Variants in UHMK1 observed in about 807,000 individuals in gnomAD.
UHMK1 encodes U2AF homology motif kinase 1.
UHMK1 carries 18 observed loss-of-function variants against 44.0 expected under a neutral mutation model. The observed-to-expected ratio is 0.41, with a 90% CI of 0.28 to 0.61. The LOEUF is 0.61. UHMK1 is among the 20% of genes least tolerant of loss of function. The probability of loss-of-function intolerance (pLI) is 0.31; values close to 1 mark genes in which losing one functional copy is unlikely to be tolerated. For missense variants in UHMK1, 463 were observed against 522.5 expected (o/e 0.89, Z 1.11); for synonymous variants, 231 against 198.5 (o/e 1.16, Z -1.38).
chr1:162,520,398 T>C (rs1008982032), intron 7 of UHMK1, among the ~76,000 whole-genome samples: 2 of 152,242 alleles, frequency 1.3e-5, no homozygotes, highest in Non-Finnish European at 2.9e-5. Context: ...CTGATATTTA[T>C]TGAGCATTTA....
In UHMK1 at chr1:162,500,118, G is replaced by A. The variant is rs578094120; in HGVS notation, c.432G>A (p.Glu144=). ...AGCATTGTGCCCGAGATGTTTTGGA[G>A]GCCCTTGCTTTTCTTCATCATGAGG... ...MIQHCARDVL[E]ALAFLHHEGY... The change falls in exon 2 of 8, where the codon GAG becomes GAA. Residue 144 remains glutamate, a synonymous_variant. Transcript: ENST00000489294. The A allele has an allele frequency of 3.1e-6, 5 of 1,614,116 alleles. No individual in the cohort carries two copies. In the South Asian group the frequency reaches 5.5e-5, roughly 18 times the overall value.
chr1:162,504,571 G>T (rs1431046270), intron 4 of UHMK1, among the ~76,000 whole-genome samples: 1 of 152,100 alleles, frequency 6.6e-6, no homozygotes, highest in African/African-American at 2.4e-5. Context: ...ACATAGAAAA[G>T]ATACAGTAAA....
rs987588438 is a variant in UHMK1 at position 162,526,544 on chromosome 1, G to A, written c.*3994G>A. ...CTGGAAAATATTAAAACTCATTTGGGTGAAAGCTTCCCAGATGATGATAAT... is the reference window on the plus strand; with the variant it reads ...CTGGAAAATATTAAAACTCATTTGGATGAAAGCTTCCCAGATGATGATAAT... On this transcript the variant is annotated 3_prime_UTR_variant, in exon 8 of 8. Coordinates refer to ENST00000489294, the MANE Select transcript of UHMK1 (RefSeq NM_175866.5). The A allele has an allele frequency of 1.3e-5, 2 of 152,024 alleles. No homozygotes were observed. Among genetic ancestry groups the A allele is most frequent in the African/African-American group, 2.4e-5 (1 of 41,400 alleles). 9.4% of individuals were successfully genotyped at this position (152,024 alleles called of 1,614,324 possible). A position where few individuals can be genotyped will look rare whatever the true frequency, so the allele number is the denominator to read the frequency against.
rs748460382 is a variant in UHMK1 at position 162,527,918 on chromosome 1, G to A, written c.*5368G>A. 1 of 151,670 alleles carries A rather than the reference G, an allele frequency of 6.6e-6. No individual in the cohort carries two copies. The allele number at this position is 151,670 out of a possible 1,614,324, so 9.4% of individuals were successfully genotyped here. A position where few individuals can be genotyped will look rare whatever the true frequency, so the allele number is the denominator to read the frequency against. On this transcript the variant is annotated 3_prime_UTR_variant, in exon 8 of 8. Transcript: ENST00000489294. ...GTCACATTCTGGGGGAAAAAAACTG[G>A]AATTGTTTGTATTTTGTTTTTTTGG...
intron 4 of UHMK1, 32 bp from the exon 5 acceptor site, chr1:162,512,468 G>A (rs1397279621): frequency 6.4e-7 from 1 of 1,568,790 alleles, no homozygotes; most frequent in Non-Finnish European, 8.6e-7. Context: ...AGATTCAGCA[G>A]AAATGATAAG....
chr1:162,500,951 A>G lies in UHMK1; in HGVS notation c.600A>G (p.Pro200=), dbSNP rs1651244874. Reference sequence around the variant, plus strand: ...TTCAGACAGACGGGTATCGGGCTCCAGAAGCAGAATTGCAAAATTGCTTGG... The same window carrying G: ...TTCAGACAGACGGGTATCGGGCTCCGGAAGCAGAATTGCAAAATTGCTTGG... ...KYIQTDGYRA[P]EAELQNCLAQ... The change falls in exon 3 of 8, where the codon CCA becomes CCG. Residue 200 remains proline (P), a synonymous_variant. Coordinates refer to ENST00000489294, the MANE Select transcript of UHMK1 (RefSeq NM_175866.5). 1 of 1,614,140 alleles carries G rather than the reference A, an allele frequency of 6.2e-7. No homozygotes were observed. The highest frequency in any genetic ancestry group is 1.3e-5 in the African/African-American group (1 of 75,050).
At chr1:162,518,543 G>A (rs967972898) in intron 7 of UHMK1, among the ~76,000 whole-genome samples, 1 of 151,896 alleles carries the variant, frequency 6.6e-6, no homozygotes, top group Non-Finnish European at 1.5e-5. Flanking sequence ...TTAGCCAGGC[G>A]TGGTGGCACA....
chr1:162,503,527 C>G (rs2101671440), intron 3 of UHMK1, among the ~76,000 whole-genome samples: 1 of 149,944 alleles, frequency 6.7e-6, no homozygotes, highest in East Asian at 2.0e-4. Flanking sequence ...AGGAGGATCA[C>G]TTAAACCTGG....
At chr1:162,505,914 A>C (rs1651452169) in intron 4 of UHMK1, among the ~76,000 whole-genome samples, 1 of 152,204 alleles carries the variant, frequency 6.6e-6, no homozygotes, top group Non-Finnish European at 1.5e-5. Flanking sequence ...CCTACCATTT[A>C]CCCAGTTTCC....
In UHMK1 at chr1:162,507,679, C is replaced by T. The variant is rs60060606; in HGVS notation, c.848+3831C>T. The stretch of plus-strand genomic sequence containing the variant: ...TCGGCTCACTGCAAGCTCCGCCTCC[C>T]GGGTTCACGCCATTCTCCTACCTCA... On this transcript the variant is annotated intron_variant, in intron 4 of 7. Transcript: ENST00000489294. Among the ~76,000 whole-genome samples the T allele has an allele frequency of 1.2e-4, 18 of 151,324 alleles. No homozygotes were observed. In the East Asian group the frequency reaches 2.9e-3, roughly 25 times the overall value.
chr1:162,505,457 A>G lies in UHMK1; in HGVS notation c.848+1609A>G, dbSNP rs975803899. Reference sequence around the variant, plus strand: ...AAATACATAAGCCAGTAACACAGCTATGTATTGTCATTATCAAGTACAGTA... The same window carrying G: ...AAATACATAAGCCAGTAACACAGCTGTGTATTGTCATTATCAAGTACAGTA... On this transcript the variant is annotated intron_variant, in intron 4 of 7. Coordinates refer to ENST00000489294, the MANE Select transcript of UHMK1 (RefSeq NM_175866.5). 3.9e-5 allele frequency among the ~76,000 whole-genome samples: 6 copies of G among 152,356 alleles called. No homozygotes were observed. In the East Asian group the frequency reaches 5.8e-4, roughly 15 times the overall value.
chr1:162,498,293 T>C (rs1163048304), intron 1 of UHMK1, 25 bp downstream of exon 1: 1 of 1,562,478 alleles, frequency 6.4e-7, no homozygotes, highest in Non-Finnish European at 8.7e-7. Context: ...CTCCTTTCTC[T>C]TCTTGCCCAG....
intron 3 of UHMK1, among the ~76,000 whole-genome samples, chr1:162,501,442 A>G (rs1386955616): frequency 6.6e-6 from 1 of 152,116 alleles, no homozygotes; most frequent in Non-Finnish European, 1.5e-5. Context: ...TGCTGGGATT[A>G]CAGGCATGAG....
intron 6 of UHMK1, among the ~76,000 whole-genome samples, chr1:162,513,759 T>C (rs1324078645): frequency 1.3e-5 from 2 of 152,206 alleles, no homozygotes; most frequent in Non-Finnish European, 2.9e-5. Context: ...CAGTTAAAGC[T>C]AACGAGGTAG....
At chr1:162,499,572 TTTC>T (rs1380570456) in intron 1 of UHMK1, among the ~76,000 whole-genome samples, 5 of 152,190 alleles carry the variant, frequency 3.3e-5, no homozygotes, top group Admixed American at 2.6e-4. Flanking sequence ...CTTTTAAAAA[TTTC>T]TTTTTTTTTA....
In UHMK1 at chr1:162,512,774, G is replaced by A; in HGVS notation, c.975G>A (p.Leu325=). Residue 325 remains leucine, a synonymous_variant, in exon 6 of 8, where the codon CTG becomes CTA. Transcript: ENST00000489294. ...LVMLPTPVLR[L]LNVLDDDYLE... The stretch of plus-strand genomic sequence containing the variant: ...TGCTTCCCACTCCAGTGCTAAGACT[G>A]CTGAATGTGCTGGATGATGATTATC... The A allele has an allele frequency of 6.2e-7, 1 of 1,614,108 alleles. No individual in the cohort carries two copies. The highest frequency in any genetic ancestry group is 8.5e-7 in the Non-Finnish European group (1 of 1,180,000).
At chr1:162,510,385 G>A (rs1002031728) in intron 4 of UHMK1, among the ~76,000 whole-genome samples, 17 of 151,946 alleles carry the variant, frequency 1.1e-4, no homozygotes, top group Non-Finnish European at 2.2e-4. Context: ...CTCCTCTAAC[G>A]CCCCCACCCA....
chr1:162,503,719 A>G, intron 3 of UHMK1, 35 bp from the exon 4 acceptor site: 1 of 1,555,212 alleles, frequency 6.4e-7, no homozygotes, highest in Non-Finnish European at 8.9e-7. Flanking sequence ...ATACAGACTG[A>G]ATAACCAAAG....
chr1:162,512,700 A>G, intron 5 of UHMK1, 25 bp from the exon 6 acceptor site: 1 of 1,612,652 alleles, frequency 6.2e-7, no homozygotes, highest in East Asian at 2.2e-5. Context: ...TTTACATTTA[A>G]CCATATTATG....
Sources: allele counts gnomAD v4.1 joint callset (sites outside exome capture counted in the v4.1 genomes callset), GRCh38; gene constraint gnomAD v4.1.1; transcripts MANE v1.5; gene names NCBI Gene and HGNC (gene_info 2026-07-23, HGNC 2026-07-21).